Variants in GP6 observed in about 807,000 individuals in gnomAD.
The protein encoded by GP6 is glycoprotein VI platelet, also known as platelet glycoprotein VI.
GP6 carries 45 observed loss-of-function variants against 37.3 expected under a neutral mutation model. The ratio of observed to expected loss-of-function variants is 1.21; its 90% confidence interval spans 0.95 to 1.55. The LOEUF (loss-of-function observed/expected upper bound fraction) is 1.55. Among genes scored for constraint, GP6 ranks in the 40% most tolerant of loss-of-function variants. The probability of loss-of-function intolerance (pLI) is 0.00; values close to 1 mark genes in which losing one functional copy is unlikely to be tolerated. For missense variants in GP6, 813 were observed against 760.2 expected, an observed-to-expected ratio of 1.07 and a Z score of -0.82; for synonymous variants, 340 against 316.4, an observed-to-expected ratio of 1.07 and a Z score of -0.79.
intron 1 of GP6, among the ~76,000 whole-genome samples, chr19:55,034,970 C>G (rs539067809): frequency 1.3e-5 from 2 of 152,196 alleles, no homozygotes; most frequent in African/African-American, 4.8e-5. Context: ...CTCTGTCCCC[C>G]TCCTCCTGCC....
Position 55,035,038 on chromosome 19 carries a change from G to A in GP6, c.35-2500C>T, listed in dbSNP as rs111851600. Among the ~76,000 whole-genome samples the A allele has an allele frequency of 6.9e-3, 1,057 of 152,280 alleles. 12 individuals carry two copies. The highest frequency in any genetic ancestry group is 0.024 in the African/African-American group (1,006 of 41,566). ...TTCCATGCGACGCTGTACCATGGCT[G>A]GGAGTCTTCCAGGCGCCGTGCTGAG... is the stretch of plus-strand genomic sequence containing the variant. On this transcript the variant is annotated intron_variant, in intron 1 of 7. Transcript: ENST00000310373.
intron 1 of GP6, among the ~76,000 whole-genome samples, chr19:55,033,953 A>G (rs2074711473): frequency 6.6e-6 from 1 of 152,084 alleles, no homozygotes; most frequent in African/African-American, 2.4e-5. Flanking sequence ...AGCCTGAAGG[A>G]GGATGGGGAA....
At chr19:55,033,685 T>A (rs966118849) in intron 1 of GP6, among the ~76,000 whole-genome samples, 3 of 152,182 alleles carry the variant, frequency 2.0e-5, no homozygotes, top group Admixed American at 6.6e-5. Flanking sequence ...TAGTATGCAA[T>A]TGTATAGACA....
intron 3 of GP6, among the ~76,000 whole-genome samples, chr19:55,031,654 C>T (rs1270256760): frequency 1.3e-5 from 2 of 152,238 alleles, no homozygotes; most frequent in Admixed American, 6.5e-5. Context: ...CAGTGGCTCA[C>T]GCCTGAAATC....
At position 55,014,237 on chromosome 19, in the gene GP6, G is replaced by A. The variant is rs2073758030; in HGVS notation, c.1708C>T (p.Gln570Ter). 1 of 894,396 alleles carries A rather than the reference G, an allele frequency of 1.1e-6. No homozygotes were observed. Among genetic ancestry groups the A allele is most frequent in the African/African-American group, 1.6e-5 (1 of 61,550 alleles). 55.4% of individuals were successfully genotyped at this position (894,396 alleles called of 1,614,324 possible). ...TCCCACCTCAGCCCCCTGAGTTGCTGGGAGTATAGGGATGCACCACCACAC... is the reference window on the plus strand; with the variant it reads ...TCCCACCTCAGCCCCCTGAGTTGCTAGGAGTATAGGGATGCACCACCACAC... The change falls in exon 8 of 8, where the codon CAG (glutamine) becomes TAG (stop). Residue 570 changes from glutamine to a stop codon, truncating the protein, a stop_gained. Transcript: ENST00000310373. LOFTEE classifies it high-confidence loss of function.
At chr19:55,034,910 T>G (rs2074771487) in intron 1 of GP6, among the ~76,000 whole-genome samples, 1 of 152,048 alleles carries the variant, frequency 6.6e-6, no homozygotes, top group Non-Finnish European at 1.5e-5. Flanking sequence ...GCCACCACCC[T>G]TTGTCCACCC....
At chr19:55,035,041 A>T (rs2074777400) in intron 1 of GP6, among the ~76,000 whole-genome samples, 1 of 152,060 alleles carries the variant, frequency 6.6e-6, no homozygotes, top group South Asian at 2.1e-4. Flanking sequence ...CATGGCTGGG[A>T]GTCTTCCAGG....
At position 55,014,413 on chromosome 19, in the gene GP6, A is replaced by C. The variant is rs2073768745; in HGVS notation, c.1532T>G (p.Leu511Arg). The change falls in exon 8 of 8, where the codon CTT becomes CGT. Residue 511 changes from leucine (L) to arginine (R), a missense_variant. Physicochemically the swap from Leu to Arg is moderately radical, Grantham distance 102. Transcript: ENST00000310373. ...GAATGACATACCCAAACTGCCTGCA[A>C]GACCCGTTCTGAGAGACGAAAGGAG... 1 of 1,613,764 alleles carries C rather than the reference A, an allele frequency of 6.2e-7. No homozygotes were observed. The highest frequency in any genetic ancestry group is 1.3e-5 in the African/African-American group (1 of 75,050).
Position 55,014,318 on chromosome 19 carries a change from T to G in GP6, c.1627A>C (p.Asn543His). The G allele has an allele frequency of 6.3e-7, 1 of 1,582,700 alleles. No homozygotes were observed. Among genetic ancestry groups the G allele is most frequent in the Non-Finnish European group, 8.7e-7 (1 of 1,152,718 alleles). The change falls in exon 8 of 8, where the codon AAC becomes CAC. Residue 543 changes from asparagine (N) to histidine (H), a missense_variant. Transcript: ENST00000310373. ...TGGTAGAGATGAGGTTTCACCATGT[T>G]GCACAGGCTGATCTTGTTTTCTAAT...
intron 4 of GP6, among the ~76,000 whole-genome samples, chr19:55,026,130 C>T (rs763101393): frequency 1.3e-5 from 2 of 152,170 alleles, no homozygotes; most frequent in Non-Finnish European, 2.9e-5. Flanking sequence ...TTCTGGATTC[C>T]TGTGTCCTAC....
chr19:55,025,567 G>A (rs1490853925), intron 4 of GP6, among the ~76,000 whole-genome samples: 1 of 151,914 alleles, frequency 6.6e-6, no homozygotes. Flanking sequence ...TTAGCCAGGC[G>A]TGGTGGTGTG....
chr19:55,032,458 C>T (rs774141069), intron 2 of GP6, 48 bp downstream of exon 2: 44 of 1,613,078 alleles, frequency 2.7e-5, no homozygotes, highest in Admixed American at 1.7e-4. Flanking sequence ...CCGCTGCTCC[C>T]GCGCTGGCGG....
chr19:55,021,735 T>A (rs2074094932), intron 5 of GP6, among the ~76,000 whole-genome samples: 1 of 152,188 alleles, frequency 6.6e-6, no homozygotes, highest in East Asian at 1.9e-4. Flanking sequence ...TTAGCCAGGA[T>A]GGTCTCGATC....
chr19:55,014,986 G>T lies in GP6; in HGVS notation c.959C>A (p.Pro320Gln), dbSNP rs746907519. 6.2e-7 allele frequency: 1 copy of T among 1,613,420 alleles called. No individual in the cohort carries two copies. Among genetic ancestry groups the T allele is most frequent in the Middle Eastern group, 1.7e-4 (1 of 6,060 alleles). ...CCATCCTGACCCCCGTTTGATTTCC[G>T]GGTCAGCGGGAGGGGCGGGAGGGGC... The change falls in exon 8 of 8, where the codon CCG becomes CAG. Residue 320 changes from proline (P) to glutamine (Q), a missense_variant. Transcript: ENST00000310373.
At position 55,014,260 on chromosome 19, in the gene GP6, C is replaced by T. The variant is rs1316627247; in HGVS notation, c.1685G>A (p.Cys562Tyr). ...CTGGGAGTATAGGGATGCACCACCA[C>T]ACCTGGCTAATTTTTGTGTTTTTTT... The change falls in exon 8 of 8, where the codon TGT becomes TAT. Residue 562 changes from cysteine to tyrosine, a missense_variant. Transcript: ENST00000310373. 9.0e-7 allele frequency: 1 copy of T among 1,109,150 alleles called. No homozygotes were observed. Among genetic ancestry groups the T allele is most frequent in the Admixed American group, 1.7e-5 (1 of 59,088 alleles). The allele number at this position is 1,109,150 out of a possible 1,614,324, so 68.7% of individuals were successfully genotyped here. A position where few individuals can be genotyped will look rare whatever the true frequency, so the allele number is the denominator to read the frequency against.
intron 1 of GP6, among the ~76,000 whole-genome samples, chr19:55,036,006 G>C (rs2074815946): frequency 6.6e-6 from 1 of 151,504 alleles, no homozygotes; most frequent in Admixed American, 6.6e-5. Context: ...CCGGGAGGTG[G>C]AGTTTGCAGT....
intron 5 of GP6, among the ~76,000 whole-genome samples, chr19:55,020,868 T>C (rs1039278435): frequency 2.1e-5 from 3 of 144,616 alleles, no homozygotes; most frequent in African/African-American, 7.8e-5. Context: ...CTGGCCAACA[T>C]GGTGAAACTC....
Position 55,032,270 on chromosome 19 carries a change from C to G in GP6, c.194G>C (p.Ser65Thr). The change falls in exon 3 of 8, where the codon AGC (serine) becomes ACC (threonine). Residue 65 changes from serine to threonine, a missense_variant. Coordinates refer to ENST00000310373, the MANE Select transcript of GP6 (RefSeq NM_001083899.2). ...GAGGACTGCCTGATCCTGGTACCTG[C>G]TGGAACTCAGCTTCTCCAGGCGGTA... 1 of 1,614,198 alleles carries G rather than the reference C, an allele frequency of 6.2e-7. No homozygotes were observed. The highest frequency in any genetic ancestry group is 1.1e-5 in the South Asian group (1 of 91,088).
rs760915271 is a variant in GP6, at chr19:55,027,571, C to T, written c.610+7G>A. The T allele has an allele frequency of 8.1e-6, 13 of 1,610,062 alleles. No individual in the cohort carries two copies. The South Asian group carries it at 1.3e-4, about 16-fold the overall frequency. On this transcript the variant is annotated splice_region_variant and intron_variant, in intron 4 of 7. Transcript: ENST00000310373. ...AGGAAGAAAGGTTTGGTCTGCACTA[C>T]CCCTACCTGTGACCACAAGCTCCAG...
Sources: gnomAD v4.1 joint callset for allele counts (sites outside exome capture counted in the v4.1 genomes callset) on GRCh38, gnomAD v4.1.1 for gene constraint, MANE v1.5 for transcripts, NCBI Gene and HGNC (gene_info 2026-07-23, HGNC 2026-07-21) for gene names.